Variants in FOXP1 observed in about 807,000 individuals in gnomAD.
FOXP1 encodes forkhead box protein P1.
FOXP1 carries 15 observed loss-of-function variants against 98.2 expected under a neutral mutation model. The observed-to-expected ratio is 0.15, with a 90% confidence interval of 0.10 to 0.24. The LOEUF is 0.24. Among genes scored for constraint, FOXP1 ranks in the 10% least tolerant of loss-of-function variants. FOXP1 has a pLI of 1.00. For missense variants in FOXP1, 633 were observed against 848.5 expected (o/e 0.75, Z 3.15); for synonymous variants, 371 against 314.5 (o/e 1.18, Z -1.90).
At chr3:71,004,088 TC>T (rs34693302) in intron 12 of FOXP1, among the ~76,000 whole-genome samples, 104,654 of 151,616 alleles carry the variant, frequency 0.69, 37,569 homozygotes, top group African/African-American at 0.88. Flanking sequence ...GAACCCTACA[TC>T]CCCCCCCAAG....
rs183233970 is a variant in FOXP1 at position 71,078,780 on chromosome 3, C to G, written c.283-25007G>C. Reference sequence around the variant, plus strand: ...CTGATGCAGCTAAAAAAGAGGAGGACGAGGAAAGACCCACAGGAAGACTGC... The same window carrying G: ...CTGATGCAGCTAAAAAAGAGGAGGAGGAGGAAAGACCCACAGGAAGACTGC... On this transcript the variant is annotated intron_variant, in intron 7 of 20. Transcript: ENST00000649528. 1.8e-3 allele frequency among the ~76,000 whole-genome samples: 281 copies of G among 151,936 alleles called. 1 individual carries two copies. Among genetic ancestry groups the G allele is most frequent in the African/African-American group, 6.2e-3 (256 of 41,414 alleles).
At chr3:71,383,947 G>A (rs2080372076) in intron 3 of FOXP1, among the ~76,000 whole-genome samples, 2 of 152,326 alleles carry the variant, frequency 1.3e-5, no homozygotes, top group South Asian at 4.1e-4. Context: ...GGCGGGCGCG[G>A]TGGCTCACGC....
At chr3:70,978,382 A>G (rs2038053121) in intron 14 of FOXP1, among the ~76,000 whole-genome samples, 1 of 152,184 alleles carries the variant, frequency 6.6e-6, no homozygotes, top group Admixed American at 6.5e-5. Flanking sequence ...TGTCAACCTC[A>G]AAGAGGGAGA....
intron 4 of FOXP1, among the ~76,000 whole-genome samples, chr3:71,352,867 C>A (rs1338391627): frequency 6.6e-6 from 1 of 152,156 alleles, no homozygotes; most frequent in Non-Finnish European, 1.5e-5. Context: ...GCACGAAATG[C>A]AAGTTCTTCT....
intron 2 of FOXP1, chr3:71,580,984 T>G: frequency 1.0e-6 from 1 of 985,392 alleles, no homozygotes; most frequent in Non-Finnish European, 1.2e-6. Context: ...AGAAGTGGAC[T>G]GCATAAGGTC....
chr3:71,355,040 C>A (rs2078057611), intron 4 of FOXP1, among the ~76,000 whole-genome samples: 1 of 152,154 alleles, frequency 6.6e-6, no homozygotes. Context: ...ATGTATAACC[C>A]CTTCCGGATG....
At chr3:71,380,407 A>C (rs771515868) in intron 3 of FOXP1, among the ~76,000 whole-genome samples, 1 of 152,222 alleles carries the variant, frequency 6.6e-6, no homozygotes, top group Non-Finnish European at 1.5e-5. Flanking sequence ...CAGGTAAAAC[A>C]ACAGCAAAGG....
intron 1 of FOXP1, among the ~76,000 whole-genome samples, chr3:71,583,132 A>C (rs1222844576): frequency 6.6e-6 from 1 of 151,946 alleles, no homozygotes; most frequent in East Asian, 1.9e-4. Context: ...AAGTTGCGCC[A>C]GGCGGCCTGG....
chr3:71,182,077 T>C (rs375863966), intron 6 of FOXP1, among the ~76,000 whole-genome samples: 4 of 148,946 alleles, frequency 2.7e-5, no homozygotes, highest in Admixed American at 6.7e-5. Flanking sequence ...AGAAAACAAA[T>C]GTGGTTTTTT....
intron 6 of FOXP1, among the ~76,000 whole-genome samples, chr3:71,118,055 T>C (rs2058503689): frequency 6.6e-6 from 1 of 152,176 alleles, no homozygotes; most frequent in Non-Finnish European, 1.5e-5. Flanking sequence ...TAGTCTCCCA[T>C]CTATGCCCGG....
chr3:71,086,454 TGTACC>T (rs2055105804), intron 7 of FOXP1, among the ~76,000 whole-genome samples: 1 of 152,206 alleles, frequency 6.6e-6, no homozygotes, highest in South Asian at 2.1e-4. Context: ...TATTATGCAA[TGTACC>T]GGGGGGAAAG....
At chr3:71,169,783 C>CAAA (rs34872916) in intron 6 of FOXP1, among the ~76,000 whole-genome samples, 1 of 82,912 alleles carries the variant, frequency 1.2e-5, no homozygotes, top group Non-Finnish European at 2.9e-5. Context: ...AAATTACTGG[C>CAAA]AAAAAAAAAA....
At chr3:71,014,906 C>T (rs2044215861) in intron 12 of FOXP1, among the ~76,000 whole-genome samples, 1 of 152,050 alleles carries the variant, frequency 6.6e-6, no homozygotes, top group Non-Finnish European at 1.5e-5. Flanking sequence ...AAACCAAACA[C>T]CGCATGTTCT....
intron 7 of FOXP1, among the ~76,000 whole-genome samples, chr3:71,069,593 A>G (rs1411871927): frequency 1.3e-5 from 2 of 152,176 alleles, no homozygotes; most frequent in African/African-American, 4.8e-5. Context: ...GCAGTAGAGC[A>G]TGTCCCAAAG....
chr3:71,362,958 G>A (rs2078672639), intron 3 of FOXP1, among the ~76,000 whole-genome samples: 1 of 152,100 alleles, frequency 6.6e-6, no homozygotes, highest in Non-Finnish European at 1.5e-5. Flanking sequence ...CTTAAAAAGT[G>A]TTTTTTAATG....
chr3:71,041,206 A>G (rs996644200), intron 11 of FOXP1, 122 bp downstream of exon 11: 1 of 799,224 alleles, frequency 1.3e-6, no homozygotes, highest in African/African-American at 1.7e-5. Flanking sequence ...TTCCTCAGTA[A>G]TTATATGCAC....
rs569085192 is a variant in FOXP1, at chr3:71,471,669, G to GA, written c.-168+21756dup. On this transcript the variant is annotated intron_variant, in intron 3 of 20. Coordinates refer to ENST00000649528, the MANE Select transcript of FOXP1 (RefSeq NM_001349338.3). ...AATTGAATACTCAAGTGATAGAAAA[G>GA]AAAAAAAAAGGTAGAAATGAGACAG... Among the ~76,000 whole-genome samples, 7 of 150,238 alleles carry GA rather than the reference G, an allele frequency of 4.7e-5. No homozygotes were observed. In the South Asian group the frequency reaches 8.4e-4, roughly 18 times the overall value.
chr3:71,305,333 C>A (rs372662877), intron 4 of FOXP1, among the ~76,000 whole-genome samples: 1 of 152,146 alleles, frequency 6.6e-6, no homozygotes, highest in African/African-American at 2.4e-5. Context: ...TGTCATTTTC[C>A]CCCCAGCAAG....
intron 7 of FOXP1, among the ~76,000 whole-genome samples, chr3:71,089,385 A>G (rs914623052): frequency 6.6e-5 from 10 of 152,084 alleles, no homozygotes; most frequent in Admixed American, 2.0e-4. Flanking sequence ...CCTAGCCCCA[A>G]TCATGCCCCA....
Sources: gnomAD v4.1 joint callset for allele counts (sites outside exome capture counted in the v4.1 genomes callset) on GRCh38, gnomAD v4.1.1 for gene constraint, MANE v1.5 for transcripts, NCBI Gene and HGNC (gene_info 2026-07-23, HGNC 2026-07-21) for gene names.